Variants in ADGRB3 observed in about 807,000 individuals in gnomAD.
The protein encoded by ADGRB3 is adhesion G protein-coupled receptor B3, also known as brain-specific angiogenesis inhibitor 3.
A neutral mutation model predicts 193.4 loss-of-function variants in ADGRB3; 37 were observed. The ratio of observed to expected loss-of-function variants is 0.19; its 90% CI spans 0.15 to 0.25. The LOEUF (loss-of-function observed/expected upper bound fraction) is 0.25. ADGRB3 is among the 10% of genes least tolerant of loss of function. The pLI is 1.00. For synonymous variants in ADGRB3, 690 were observed against 644.2 expected (o/e 1.07, Z -1.08); for missense variants, 1,637 against 1,852.9 (o/e 0.88, Z 2.14).
intron 31 of ADGRB3, among the ~76,000 whole-genome samples, chr6:69,383,177 A>G (rs1019018540): frequency 5.3e-5 from 8 of 152,048 alleles, no homozygotes; most frequent in Non-Finnish European, 1.2e-4. Flanking sequence ...TTAGTTTTAT[A>G]TCAAAACTAT....
chr6:69,138,069 A>G (rs1482976076), intron 17 of ADGRB3, among the ~76,000 whole-genome samples: 1 of 152,224 alleles, frequency 6.6e-6, no homozygotes, highest in Non-Finnish European at 1.5e-5. Context: ...ATTCAGACCT[A>G]GAAACGGTAC....
chr6:68,913,605 G>A (rs1261479603), intron 3 of ADGRB3, among the ~76,000 whole-genome samples: 1 of 152,306 alleles, frequency 6.6e-6, no homozygotes, highest in Admixed American at 6.5e-5. Context: ...AAACAGAGCA[G>A]AAAACCTGGA....
At chr6:68,741,636 C>A (rs1403928552) in intron 3 of ADGRB3, among the ~76,000 whole-genome samples, 8 of 152,172 alleles carry the variant, frequency 5.3e-5, no homozygotes, top group Admixed American at 5.2e-4. Context: ...GATCCTCCCA[C>A]CTCACCCTCG....
chr6:68,868,067 G>A (rs1005338458), intron 3 of ADGRB3, among the ~76,000 whole-genome samples: 1 of 152,138 alleles, frequency 6.6e-6, no homozygotes, highest in Non-Finnish European at 1.5e-5. Context: ...ATGTGAGAAG[G>A]ACATGAGATT....
intron 17 of ADGRB3, among the ~76,000 whole-genome samples, chr6:69,179,471 ATC>A: frequency 6.6e-6 from 1 of 152,248 alleles, no homozygotes; most frequent in South Asian, 2.1e-4. Context: ...TGAAATTTTA[ATC>A]TGTCATTTGA....
chr6:68,823,789 C>G, intron 3 of ADGRB3, among the ~76,000 whole-genome samples: 1 of 152,030 alleles, frequency 6.6e-6, no homozygotes, highest in Non-Finnish European at 1.5e-5. Context: ...ATAATCATTG[C>G]TTCTTGCATA....
At chr6:68,828,978 A>T (rs1305434467) in intron 3 of ADGRB3, among the ~76,000 whole-genome samples, 1 of 152,000 alleles carries the variant, frequency 6.6e-6, no homozygotes, top group East Asian at 1.9e-4. Context: ...ATTTTCCATC[A>T]GTTAAATATG....
chr6:69,048,870 A>AT (rs1439630538), intron 14 of ADGRB3, among the ~76,000 whole-genome samples: 4 of 152,162 alleles, frequency 2.6e-5, no homozygotes, highest in Non-Finnish European at 5.9e-5. Flanking sequence ...TTGAGAAAAA[A>AT]TTAAGTTTTT....
At chr6:68,950,007 C>A (rs1455753644) in intron 6 of ADGRB3, among the ~76,000 whole-genome samples, 1 of 151,852 alleles carries the variant, frequency 6.6e-6, no homozygotes, top group East Asian at 1.9e-4. Context: ...TATAAAATGG[C>A]AAATGGAAGA....
intron 26 of ADGRB3, among the ~76,000 whole-genome samples, chr6:69,350,929 C>A (rs565255339): frequency 1.3e-5 from 2 of 152,084 alleles, no homozygotes; most frequent in South Asian, 2.1e-4. Context: ...TATCCAAACA[C>A]GTTCAAATAG....
At chr6:68,637,357 A>G (rs1398707360) in intron 1 of ADGRB3, 34 bp from the exon 2 acceptor site, 2 of 152,676 alleles carry the variant, frequency 1.3e-5, no homozygotes, top group Non-Finnish European at 1.5e-5. Flanking sequence ...ACTCTTAACT[A>G]TCTATATGTC....
At chr6:68,642,453 G>T (rs1288754164) in intron 3 of ADGRB3, among the ~76,000 whole-genome samples, 1 of 152,074 alleles carries the variant, frequency 6.6e-6, no homozygotes, top group African/African-American at 2.4e-5. Flanking sequence ...ATATATTCAT[G>T]TACTGAAAAA....
chr6:69,075,842 G>C (rs1372254103), intron 16 of ADGRB3, among the ~76,000 whole-genome samples, 153 bp from the exon 17 acceptor site: 1 of 151,998 alleles, frequency 6.6e-6, no homozygotes, highest in African/African-American at 2.4e-5. Flanking sequence ...GAAACGAAAT[G>C]CAAATTTCTT....
intron 3 of ADGRB3, among the ~76,000 whole-genome samples, chr6:68,873,414 C>T (rs1202578797): frequency 6.6e-6 from 1 of 152,028 alleles, no homozygotes; most frequent in African/African-American, 2.4e-5. Context: ...ATGAAAGTCC[C>T]CTGGATGTAA....
intron 3 of ADGRB3, among the ~76,000 whole-genome samples, chr6:68,755,007 G>T (rs1005591700): frequency 6.6e-6 from 1 of 152,128 alleles, no homozygotes; most frequent in Admixed American, 6.6e-5. Flanking sequence ...GTGCATGTCT[G>T]CATAAATTTG....
At chr6:69,356,843 G>A (rs767315798) in intron 28 of ADGRB3, among the ~76,000 whole-genome samples, 3 of 152,104 alleles carry the variant, frequency 2.0e-5, no homozygotes, top group Non-Finnish European at 4.4e-5. Context: ...TCTCACCAGA[G>A]TAGATGGCTC....
At chr6:69,100,854 G>A (rs1773017511) in intron 17 of ADGRB3, among the ~76,000 whole-genome samples, 4 of 24,956 alleles carry the variant, frequency 1.6e-4, no homozygotes, top group Admixed American at 5.1e-4. Context: ...GGGAGGGAGG[G>A]AAGGAAGGAA....
chr6:69,333,828 G>A (rs1313849194), intron 24 of ADGRB3, among the ~76,000 whole-genome samples: 1 of 151,082 alleles, frequency 6.6e-6, no homozygotes, highest in Non-Finnish European at 1.5e-5. Flanking sequence ...TACTCGGGAG[G>A]CTGAGGCAGG....
intron 11 of ADGRB3, among the ~76,000 whole-genome samples, chr6:69,011,135 ATGTGTGTGTGTG>A (rs66675226): frequency 2.8e-5 from 4 of 144,930 alleles, no homozygotes; most frequent in African/African-American, 1.0e-4. Flanking sequence ...ATACATATAT[ATGTGTGTGTGTG>A]TGTGTGTGTG....
Sources: allele counts gnomAD v4.1 joint callset (sites outside exome capture counted in the v4.1 genomes callset), GRCh38; gene constraint gnomAD v4.1.1; transcripts MANE v1.5; gene names NCBI Gene and HGNC (gene_info 2026-07-23, HGNC 2026-07-21).